The following LHFPL3 variants were observed in gnomAD, a reference collection of about 807,000 sequenced individuals.
LHFPL3 encodes the protein LHFPL tetraspan subfamily member 3, also known as LHFPL tetraspan subfamily member 3 protein.
Under a neutral mutation model 19.3 loss-of-function variants are expected in LHFPL3, and 5 were observed. The ratio of observed to expected loss-of-function variants is 0.26; its 90% CI spans 0.14 to 0.54. The LOEUF (loss-of-function observed/expected upper bound fraction) is 0.54, where lower values mean the gene tolerates loss of function less well. Ranked by LOEUF, LHFPL3 falls within the 20% of genes least tolerant of loss-of-function variation. LHFPL3 has a pLI of 0.94. For missense variants in LHFPL3, 249 were observed against 307.4 expected (o/e 0.81, Z 1.42); for synonymous variants, 133 against 126.2 (o/e 1.05, Z -0.36).
intron 1 of LHFPL3, among the ~76,000 whole-genome samples, chr7:104,448,345 G>T (rs1263358717): frequency 5.3e-5 from 8 of 152,152 alleles, no homozygotes; most frequent in Middle Eastern, 3.2e-3. Context: ...TCTTACTCTA[G>T]CAGGTTCATC....
At chr7:104,381,361 A>C (rs1197812675) in intron 1 of LHFPL3, among the ~76,000 whole-genome samples, 1 of 152,130 alleles carries the variant, frequency 6.6e-6, no homozygotes, top group African/African-American at 2.4e-5. Flanking sequence ...TGTTCTGAAA[A>C]GTTTTTCTTC....
intron 1 of LHFPL3, among the ~76,000 whole-genome samples, chr7:104,515,219 T>A (rs997946579): frequency 1.3e-5 from 2 of 152,208 alleles, no homozygotes; most frequent in Non-Finnish European, 2.9e-5. Context: ...AAAACACATC[T>A]TTCCATCCAA....
chr7:104,540,301 G>A (rs140127676), intron 1 of LHFPL3, among the ~76,000 whole-genome samples: 157 of 152,266 alleles, frequency 1.0e-3, no homozygotes, highest in African/African-American at 3.6e-3. Context: ...GTTGGTAGGG[G>A]GACAGAAAAG....
rs542850168 is a variant in LHFPL3 at position 104,423,149 on chromosome 7, A to G, written c.445+93925A>G. ...TTACAAGAGGGGAGGACAATAAGCC[A>G]ATGGTAATGGAGATTAGGATGGGCA... On this transcript the variant is annotated intron_variant, in intron 1 of 2. Transcript: ENST00000424859. 2.6e-5 allele frequency among the ~76,000 whole-genome samples: 4 copies of G among 152,282 alleles called. No homozygotes were observed. The East Asian group carries it at 7.7e-4, about 29-fold the overall frequency.
chr7:104,440,223 C>A (rs990071818), intron 1 of LHFPL3, among the ~76,000 whole-genome samples: 1 of 151,748 alleles, frequency 6.6e-6, no homozygotes, highest in Non-Finnish European at 1.5e-5. Context: ...CCATGAAATA[C>A]TCTGCAGCCA....
intron 2 of LHFPL3, among the ~76,000 whole-genome samples, chr7:104,847,838 A>G (rs1791339849): frequency 6.6e-6 from 1 of 152,212 alleles, no homozygotes. Context: ...AGAGAGCAAA[A>G]AATCATCACT....
intron 1 of LHFPL3, among the ~76,000 whole-genome samples, chr7:104,726,228 G>C (rs1215369245): frequency 3.9e-5 from 6 of 151,988 alleles, no homozygotes. Context: ...AGATGTTACA[G>C]CTCCTTTAAC....
chr7:104,442,096 A>G (rs534567610), intron 1 of LHFPL3, among the ~76,000 whole-genome samples: 1 of 151,578 alleles, frequency 6.6e-6, no homozygotes, highest in African/African-American at 2.4e-5. Flanking sequence ...CCATTCTAAC[A>G]GGTGTGAGGT....
At chr7:104,534,552 AGG>A (rs1794359975) in intron 1 of LHFPL3, among the ~76,000 whole-genome samples, 1 of 152,200 alleles carries the variant, frequency 6.6e-6, no homozygotes, top group Admixed American at 6.5e-5. Flanking sequence ...AAAGAACCAG[AGG>A]TGTTTTTGAG....
At chr7:104,845,591 C>G (rs1791298940) in intron 2 of LHFPL3, 1 of 401,556 alleles carries the variant, frequency 2.5e-6, no homozygotes, top group Non-Finnish European at 3.4e-6. Context: ...TGTCTTTGTT[C>G]CTGATTTTAT....
In LHFPL3 at chr7:104,908,167, A is replaced by G. The variant is rs1792654520; in HGVS notation, c.*1952A>G. On this transcript the variant is annotated 3_prime_UTR_variant, in exon 3 of 3. Coordinates refer to ENST00000424859, the MANE Select transcript of LHFPL3 (RefSeq NM_199000.3). ...CTAATCCATGCAAACTACAAATTCC[A>G]TCGGGAGTCCTACATCACTAACAGT... Among the ~76,000 whole-genome samples the G allele has an allele frequency of 1.3e-5, 2 of 152,236 alleles. No homozygotes were observed. Among genetic ancestry groups the G allele is most frequent in the African/African-American group, 4.8e-5 (2 of 41,470 alleles).
At chr7:104,882,532 G>A (rs1033036453) in intron 2 of LHFPL3, among the ~76,000 whole-genome samples, 9 of 152,178 alleles carry the variant, frequency 5.9e-5, no homozygotes, top group African/African-American at 2.2e-4. Flanking sequence ...ACAGGCGTGA[G>A]CCACTGTGCC....
At chr7:104,812,459 C>T (rs1024164988) in intron 2 of LHFPL3, among the ~76,000 whole-genome samples, 11 of 152,044 alleles carry the variant, frequency 7.2e-5, no homozygotes, top group African/African-American at 2.4e-4. Flanking sequence ...ATCTCTACAC[C>T]AGCCTAGGCA....
rs1427050737 is a variant in LHFPL3, at chr7:104,491,782, A to G, written c.445+162558A>G. Among the ~76,000 whole-genome samples, 4 of 152,370 alleles carry G rather than the reference A, an allele frequency of 2.6e-5. No homozygotes were observed. The South Asian group carries it at 6.2e-4, about 24-fold the overall frequency. ...GTGCTTTCTATTGTAGTCAATGTCT[A>G]TATCATCCAAATTAAATGTTAAAAT... On this transcript the variant is annotated intron_variant, in intron 1 of 2. Transcript: ENST00000424859.
chr7:104,675,637 A>T (rs1792575738), intron 1 of LHFPL3, among the ~76,000 whole-genome samples: 1 of 152,302 alleles, frequency 6.6e-6, no homozygotes, highest in East Asian at 1.9e-4. Context: ...ATAACAGAGG[A>T]GGTAAAGAGA....
chr7:104,526,746 C>A (rs1794194982), intron 1 of LHFPL3, among the ~76,000 whole-genome samples: 1 of 152,222 alleles, frequency 6.6e-6, no homozygotes, highest in African/African-American at 2.4e-5. Context: ...GAGTTTGGCT[C>A]TGTGAATCTA....
At chr7:104,334,390 T>C (rs1341859027) in intron 1 of LHFPL3, among the ~76,000 whole-genome samples, 1 of 151,818 alleles carries the variant, frequency 6.6e-6, no homozygotes, top group African/African-American at 2.4e-5. Flanking sequence ...CTACTGAAAA[T>C]ACAAAAACTA....
At chr7:104,790,506 A>C (rs1182836037) in intron 2 of LHFPL3, among the ~76,000 whole-genome samples, 3 of 151,972 alleles carry the variant, frequency 2.0e-5, no homozygotes, top group African/African-American at 4.8e-5. Context: ...TGTCTTGTTT[A>C]TTCTTTATTT....
At chr7:104,716,371 GGAA>G (rs537828933) in intron 1 of LHFPL3, among the ~76,000 whole-genome samples, 48 of 150,974 alleles carry the variant, frequency 3.2e-4, no homozygotes, top group Middle Eastern at 3.5e-3. Flanking sequence ...AAATCAGAAA[GGAA>G]GAAGTAAAAT....
Sources: gnomAD v4.1 joint callset for allele counts (sites outside exome capture counted in the v4.1 genomes callset) on GRCh38, gnomAD v4.1.1 for gene constraint, MANE v1.5 for transcripts, NCBI Gene and HGNC (gene_info 2026-07-23, HGNC 2026-07-21) for gene names.